FRK: variants seen among roughly 807,000 people sequenced by gnomAD.
The protein encoded by FRK is tyrosine-protein kinase FRK.
FRK carries 51 observed loss-of-function variants against 56.4 expected under a neutral mutation model. That is an observed-to-expected ratio of 0.90 (90% CI 0.72 to 1.14). The LOEUF (loss-of-function observed/expected upper bound fraction) is 1.14, where lower values mean the gene tolerates loss of function less well. Ranked by LOEUF, FRK falls within the 50% of genes most tolerant of loss-of-function variation. The pLI is 0.00. For missense variants in FRK, 570 were observed against 601.4 expected (o/e 0.95, Z 0.55); for synonymous variants, 245 against 217.9 (o/e 1.12, Z -1.10).
intron 1 of FRK, among the ~76,000 whole-genome samples, chr6:116,037,003 C>G (rs1193043302): frequency 6.6e-6 from 1 of 152,072 alleles, no homozygotes; most frequent in East Asian, 1.9e-4. Context: ...AATATTAAGT[C>G]AGCAAATAAC....
intron 1 of FRK, among the ~76,000 whole-genome samples, chr6:116,012,252 G>C (rs771671394): frequency 8.5e-5 from 13 of 152,168 alleles, no homozygotes; most frequent in Admixed American, 3.3e-4. Flanking sequence ...CATAAATAAG[G>C]GGTATTTTGC....
At chr6:116,066,083 G>T in the FRK span, among the ~76,000 whole-genome samples, 5 of 152,196 alleles carry the variant, frequency 3.3e-5, no homozygotes, top group Admixed American at 1.3e-4. Context: ...ATTGAAGGAT[G>T]CAAAGTATTG....
chr6:115,986,312 G>C (rs1459202801), intron 2 of FRK, among the ~76,000 whole-genome samples: 1 of 152,024 alleles, frequency 6.6e-6, no homozygotes, highest in African/African-American at 2.4e-5. Flanking sequence ...AGCTCCTTTA[G>C]CCTGAGTTCC....
chr6:115,991,211 G>A (rs889263438), intron 2 of FRK, among the ~76,000 whole-genome samples: 2 of 151,596 alleles, frequency 1.3e-5, no homozygotes, highest in Admixed American at 6.6e-5. Context: ...TCACGTCATC[G>A]GTGAAGACAG....
At chr6:116,079,208 G>A in the FRK span, among the ~76,000 whole-genome samples, 1 of 151,206 alleles carries the variant, frequency 6.6e-6, no homozygotes, top group Non-Finnish European at 1.5e-5. Flanking sequence ...AGTTCCTCTT[G>A]CTCCACATCT....
At chr6:115,978,744 T>A (rs1774082674) in intron 2 of FRK, among the ~76,000 whole-genome samples, 1 of 152,180 alleles carries the variant, frequency 6.6e-6, no homozygotes, top group African/African-American at 2.4e-5. Flanking sequence ...CATTATTACA[T>A]GTTTGTTGTG....
chr6:115,984,581 A>T (rs1294458022), intron 2 of FRK, among the ~76,000 whole-genome samples: 1 of 152,006 alleles, frequency 6.6e-6, no homozygotes, highest in East Asian at 1.9e-4. Context: ...AAACAAATGG[A>T]TGCACTAATA....
At chr6:116,091,677 C>G in the FRK span, among the ~76,000 whole-genome samples, 1 of 152,172 alleles carries the variant, frequency 6.6e-6, no homozygotes, top group Non-Finnish European at 1.5e-5. Flanking sequence ...AAACACCAGG[C>G]AACTGTTGGC....
At chr6:116,004,602 T>C (rs1775184022) in intron 1 of FRK, among the ~76,000 whole-genome samples, 1 of 152,284 alleles carries the variant, frequency 6.6e-6, no homozygotes, top group Non-Finnish European at 1.5e-5. Context: ...GGAGAGATTA[T>C]CTGAAAAAGA....
intron 1 of FRK, chr6:116,038,810 A>G: frequency 2.0e-6 from 1 of 505,736 alleles, no homozygotes; most frequent in South Asian, 1.6e-5. Flanking sequence ...CCGACGGAAG[A>G]AGAGCCTGGG....
At chr6:115,960,446 A>G (rs990357398) in intron 4 of FRK, among the ~76,000 whole-genome samples, 5 of 150,316 alleles carry the variant, frequency 3.3e-5, no homozygotes, top group Non-Finnish European at 7.5e-5. Flanking sequence ...ATCAAACTGC[A>G]AGGCGGCAGC....
chr6:116,070,620 A>T, the FRK span, among the ~76,000 whole-genome samples: 1 of 152,198 alleles, frequency 6.6e-6, no homozygotes, highest in Non-Finnish European at 1.5e-5. Context: ...AAGAAAAAAA[A>T]GTCATATATC....
At chr6:116,053,305 T>C (rs1422356936) in intron 1 of FRK, among the ~76,000 whole-genome samples, 3 of 152,150 alleles carry the variant, frequency 2.0e-5, no homozygotes, top group Non-Finnish European at 4.4e-5. Flanking sequence ...AGTTAGAAAA[T>C]CTGAAGGGAA....
rs558733096 is a variant in FRK, at chr6:115,947,087, A to T, written c.959-2662T>A. Among the ~76,000 whole-genome samples, 36 of 152,228 alleles carry T rather than the reference A, an allele frequency of 2.4e-4. No individual in the cohort carries two copies. The East Asian group carries it at 6.8e-3, about 29-fold the overall frequency. On this transcript the variant is annotated intron_variant, in intron 5 of 7. Coordinates refer to ENST00000606080, the MANE Select transcript of FRK (RefSeq NM_002031.3). ...GTAATGGGAAAGCAGTTATCATAAAATTTGGGATAGTGTGGGGTTGTAATT... is the reference window on the plus strand; with the variant it reads ...GTAATGGGAAAGCAGTTATCATAAATTTTGGGATAGTGTGGGGTTGTAATT...
intron 2 of FRK, among the ~76,000 whole-genome samples, chr6:115,973,978 A>G (rs988410566): frequency 5.3e-5 from 8 of 152,198 alleles, no homozygotes; most frequent in African/African-American, 1.9e-4. Flanking sequence ...AAGTAGAAGG[A>G]TATCTAAATA....
the FRK span, among the ~76,000 whole-genome samples, chr6:116,070,509 C>T: frequency 6.6e-6 from 1 of 152,132 alleles, no homozygotes; most frequent in Non-Finnish European, 1.5e-5. Context: ...GTCCACAAAT[C>T]ATATAACCTG....
intron 1 of FRK, among the ~76,000 whole-genome samples, chr6:116,023,736 C>G (rs909894555): frequency 3.3e-5 from 5 of 151,914 alleles, no homozygotes; most frequent in African/African-American, 1.2e-4. Context: ...TTTAGGCGTT[C>G]GAAGCCAGCC....
chr6:115,956,345 C>G, intron 5 of FRK, 107 bp downstream of exon 5: 1 of 696,530 alleles, frequency 1.4e-6, no homozygotes. Flanking sequence ...CACAGACATA[C>G]ACATAGTAAA....
At chr6:115,972,176 C>T (rs181212092) in intron 2 of FRK, among the ~76,000 whole-genome samples, 1 of 152,230 alleles carries the variant, frequency 6.6e-6, no homozygotes, top group African/African-American at 2.4e-5. Flanking sequence ...CCAGCAGAAG[C>T]TTTCCTGGGC....
Sources: allele counts gnomAD v4.1 joint callset (sites outside exome capture counted in the v4.1 genomes callset), GRCh38; gene constraint gnomAD v4.1.1; transcripts MANE v1.5; gene names NCBI Gene and HGNC (gene_info 2026-07-23, HGNC 2026-07-21).